The following UBE2D1 variants were observed in gnomAD, a reference collection of about 807,000 sequenced individuals.
UBE2D1 encodes ubiquitin-conjugating enzyme E2 D1.
In UBE2D1, 9 loss-of-function variants were observed where a neutral mutation model predicts 24.6. The observed-to-expected ratio is 0.37, with a 90% CI of 0.22 to 0.64. The LOEUF (loss-of-function observed/expected upper bound fraction) is 0.64, where lower values mean the gene tolerates loss of function less well. Ranked by LOEUF, UBE2D1 falls within the 30% of genes least tolerant of loss-of-function variation. The probability of loss-of-function intolerance (pLI) is 0.64; values close to 1 mark genes in which losing one functional copy is unlikely to be tolerated. For missense variants in UBE2D1, 87 were observed against 177.1 expected (o/e 0.49, Z 2.89); for synonymous variants, 57 against 57.6 (o/e 0.99, Z 0.04).
intron 1 of UBE2D1, among the ~76,000 whole-genome samples, chr10:58,350,563 A>G (rs1012406401): frequency 1.3e-5 from 2 of 152,128 alleles, no homozygotes; most frequent in Non-Finnish European, 2.9e-5. Flanking sequence ...TTGTCTCTTC[A>G]CACTTTTAAT....
intron 1 of UBE2D1, among the ~76,000 whole-genome samples, chr10:58,357,022 A>G (rs1440405097): frequency 1.3e-5 from 2 of 152,092 alleles, no homozygotes; most frequent in African/African-American, 4.8e-5. Context: ...TTAGATTTCT[A>G]GGTAGTGGTG....
At chr10:58,366,330 T>C (rs1222017751) in intron 5 of UBE2D1, among the ~76,000 whole-genome samples, 1 of 152,166 alleles carries the variant, frequency 6.6e-6, no homozygotes, top group Non-Finnish European at 1.5e-5. Context: ...AAAATGGGGA[T>C]TCTTATAGTG....
intron 1 of UBE2D1, among the ~76,000 whole-genome samples, chr10:58,357,261 C>T (rs1408279788): frequency 6.6e-6 from 1 of 152,054 alleles, no homozygotes; most frequent in African/African-American, 2.4e-5. Context: ...ACATAAAAAT[C>T]CTTAAATTAT....
chr10:58,349,308 T>C (rs570334601), intron 1 of UBE2D1, among the ~76,000 whole-genome samples: 2 of 152,336 alleles, frequency 1.3e-5, no homozygotes, highest in South Asian at 2.1e-4. Flanking sequence ...TGGCACAGAC[T>C]ACTTTTTTGT....
rs749343901 is a variant in UBE2D1 at position 58,335,232 on chromosome 10, G to A, written c.24+7G>A. 73 of 1,538,182 alleles carry A rather than the reference G, an allele frequency of 4.7e-5. No individual in the cohort carries two copies. In the South Asian group the frequency reaches 7.5e-4, roughly 16 times the overall value. ...GCTGAAGAGGATTCAGAAAGTGAGTGCCGGGGCCGGGCCTGGGGCTGCGGG... is the reference window on the plus strand; with the variant it reads ...GCTGAAGAGGATTCAGAAAGTGAGTACCGGGGCCGGGCCTGGGGCTGCGGG... On this transcript the variant is annotated splice_region_variant and intron_variant, in intron 1 of 6. Coordinates refer to ENST00000373910, the MANE Select transcript of UBE2D1 (RefSeq NM_003338.5).
At chr10:58,364,605 C>A in intron 4 of UBE2D1, 166 bp from the exon 5 acceptor site, 1 of 579,686 alleles carries the variant, frequency 1.7e-6, no homozygotes, top group African/African-American at 1.9e-5. Flanking sequence ...CTAGCTAGAA[C>A]TGTGTGTAGC....
chr10:58,340,354 G>A (rs1839949411), intron 1 of UBE2D1, among the ~76,000 whole-genome samples: 1 of 152,160 alleles, frequency 6.6e-6, no homozygotes, highest in Non-Finnish European at 1.5e-5. Flanking sequence ...CTAGAAACCA[G>A]ACCATGGGCA....
chr10:58,349,967 G>T (rs1204412571), intron 1 of UBE2D1, among the ~76,000 whole-genome samples: 1 of 152,024 alleles, frequency 6.6e-6, no homozygotes, highest in East Asian at 1.9e-4. Context: ...CTATATTGTT[G>T]CCTGGAGCTG....
intron 1 of UBE2D1, among the ~76,000 whole-genome samples, chr10:58,341,135 A>C (rs904712198): frequency 6.6e-6 from 1 of 152,216 alleles, no homozygotes; most frequent in Admixed American, 6.5e-5. Context: ...TCTCTCCTCC[A>C]AAAGGATTTT....
intron 3 of UBE2D1, among the ~76,000 whole-genome samples, chr10:58,361,805 T>A (rs1346108466): frequency 6.6e-6 from 1 of 151,806 alleles, no homozygotes; most frequent in African/African-American, 2.4e-5. Context: ...CTTTTTTTTT[T>A]TTTTTTTTAA....
intron 1 of UBE2D1, chr10:58,360,859 A>C: frequency 2.4e-6 from 1 of 411,902 alleles, no homozygotes; most frequent in Non-Finnish European, 4.8e-6. Flanking sequence ...CAGGAGGTTG[A>C]GGCTGCAGTG....
At chr10:58,361,262 G>T (rs758251005) in intron 1 of UBE2D1, 76 bp from the exon 2 acceptor site, 1 of 1,428,650 alleles carries the variant, frequency 7.0e-7, no homozygotes, top group Non-Finnish European at 9.9e-7. Context: ...CTAATAGTTT[G>T]CATCTTAATG....
At chr10:58,341,345 A>G (rs1004378932) in intron 1 of UBE2D1, among the ~76,000 whole-genome samples, 4 of 152,200 alleles carry the variant, frequency 2.6e-5, no homozygotes, top group African/African-American at 9.6e-5. Context: ...GAAGCACGGT[A>G]TTTATGCATT....
At chr10:58,352,298 C>A (rs1187617538) in intron 1 of UBE2D1, among the ~76,000 whole-genome samples, 3 of 152,042 alleles carry the variant, frequency 2.0e-5, no homozygotes, top group Non-Finnish European at 4.4e-5. Flanking sequence ...ATGTTTATTT[C>A]CTATGTGCAA....
chr10:58,335,109 T>G lies in UBE2D1; in HGVS notation c.-93T>G. On this transcript the variant is annotated 5_prime_UTR_variant, in exon 1 of 7. Coordinates refer to ENST00000373910, the MANE Select transcript of UBE2D1 (RefSeq NM_003338.5). ...GGGGACCCACCGCGCGGAGCCAGCCTAGCTGCCAGCGAGCCCAACCCGCGA... is the reference window on the plus strand; with the variant it reads ...GGGGACCCACCGCGCGGAGCCAGCCGAGCTGCCAGCGAGCCCAACCCGCGA... 1 of 1,401,210 alleles carries G rather than the reference T, an allele frequency of 7.1e-7. No individual in the cohort carries two copies. Among genetic ancestry groups the G allele is most frequent in the Non-Finnish European group, 9.7e-7 (1 of 1,030,270 alleles). 86.8% of individuals were successfully genotyped at this position (1,401,210 alleles called of 1,614,324 possible).
chr10:58,359,648 G>A (rs1589002256), intron 1 of UBE2D1, among the ~76,000 whole-genome samples: 2 of 152,206 alleles, frequency 1.3e-5, no homozygotes, highest in South Asian at 4.1e-4. Flanking sequence ...TGAGATGATC[G>A]CCCACCTGGG....
chr10:58,361,312 C>G, intron 1 of UBE2D1, 26 bp from the exon 2 acceptor site: 1 of 1,611,842 alleles, frequency 6.2e-7, no homozygotes, highest in South Asian at 1.1e-5. Flanking sequence ...AAGGAATTAA[C>G]CTTACATATT....
At chr10:58,351,364 T>C (rs1007627874) in intron 1 of UBE2D1, among the ~76,000 whole-genome samples, 1 of 152,250 alleles carries the variant, frequency 6.6e-6, no homozygotes, top group African/African-American at 2.4e-5. Context: ...ATTTCCTTTT[T>C]AATATCCTTG....
intron 1 of UBE2D1, among the ~76,000 whole-genome samples, chr10:58,356,870 T>C (rs1840136809): frequency 6.6e-6 from 1 of 152,204 alleles, no homozygotes. Context: ...AATGAAAATA[T>C]TGAATGCTTT....
Sources: allele counts gnomAD v4.1 joint callset (sites outside exome capture counted in the v4.1 genomes callset), GRCh38; gene constraint gnomAD v4.1.1; transcripts MANE v1.5; gene names NCBI Gene and HGNC (gene_info 2026-07-23, HGNC 2026-07-21).